The following TMEM39A variants were observed in gnomAD, a reference collection of about 807,000 sequenced individuals.
TMEM39A encodes transmembrane protein 39A.
A neutral mutation model predicts 51.9 loss-of-function variants in TMEM39A; 19 were observed. The observed-to-expected ratio is 0.37, with a 90% CI of 0.26 to 0.54. The LOEUF (loss-of-function observed/expected upper bound fraction) is 0.54. Ranked by LOEUF, TMEM39A falls within the 20% of genes least tolerant of loss-of-function variation. TMEM39A has a pLI of 0.88. For missense variants in TMEM39A, 433 were observed against 590.5 expected (o/e 0.73, Z 2.76); for synonymous variants, 197 against 220.2 (o/e 0.89, Z 0.93).
chr3:119,436,715 A>T, intron 7 of TMEM39A, 76 bp downstream of exon 7: 1 of 1,440,198 alleles, frequency 6.9e-7, no homozygotes, highest in Non-Finnish European at 9.5e-7. Flanking sequence ...AAGAACAAGA[A>T]TGACATACAA....
chr3:119,435,217 C>G, intron 7 of TMEM39A: 2 of 985,368 alleles, frequency 2.0e-6, no homozygotes, highest in Non-Finnish European at 2.4e-6. Context: ...CCCAAGTGAG[C>G]AGAGTCTACT....
chr3:119,460,728 A>G (rs6801426), intron 2 of TMEM39A, among the ~76,000 whole-genome samples: 6,222 of 152,302 alleles, frequency 0.041, 164 homozygotes, highest in Non-Finnish European at 0.061. Context: ...AAGAACTGCT[A>G]GAGTTAGGAG....
Position 119,463,413 on chromosome 3 carries a change from G to A in TMEM39A, c.-152C>T, listed in dbSNP as rs1250987994. The A allele has an allele frequency of 7.6e-6, 3 of 394,260 alleles. No individual in the cohort carries two copies. The East Asian group carries it at 1.1e-4, about 14-fold the overall frequency. The allele number at this position is 394,260 out of a possible 1,614,324, so 24.4% of individuals were successfully genotyped here. A position where few individuals can be genotyped will look rare whatever the true frequency, so the allele number is the denominator to read the frequency against. On this transcript the variant is annotated 5_prime_UTR_variant, in exon 1 of 9. Transcript: ENST00000319172. ...TTTACAGACTGGACCCCAGGTAAGG[G>A]AACTCCCTCCCAGCGTTGGAACGCT... is the stretch of plus-strand genomic sequence containing the variant.
At chr3:119,434,560 C>T (rs1006140027) in intron 8 of TMEM39A, among the ~76,000 whole-genome samples, 1 of 152,044 alleles carries the variant, frequency 6.6e-6, no homozygotes, top group Non-Finnish European at 1.5e-5. Flanking sequence ...GCTACTGAAA[C>T]TGGAATAACA....
intron 3 of TMEM39A, among the ~76,000 whole-genome samples, chr3:119,456,806 A>G (rs531106067): frequency 3.0e-4 from 46 of 152,240 alleles, no homozygotes; most frequent in Non-Finnish European, 5.9e-4. Context: ...AGGTCTCACT[A>G]TGTTGCCTAG....
chr3:119,437,523 T>TA (rs543556839), intron 6 of TMEM39A, among the ~76,000 whole-genome samples: 2,559 of 96,572 alleles, frequency 0.026, 46 homozygotes, highest in South Asian at 0.13. Context: ...TAAAAATACT[T>TA]AAAAAAAAAA....
intron 2 of TMEM39A, among the ~76,000 whole-genome samples, chr3:119,459,695 C>T (rs530382578): frequency 5.0e-4 from 76 of 152,290 alleles, no homozygotes; most frequent in African/African-American, 1.7e-3. Flanking sequence ...ACTGTGTTAC[C>T]AAACTAGCTC....
chr3:119,439,439 G>C (rs1187578356), intron 5 of TMEM39A, among the ~76,000 whole-genome samples: 1 of 151,944 alleles, frequency 6.6e-6, no homozygotes, highest in African/African-American at 2.4e-5. Flanking sequence ...AAATTAGCTG[G>C]GTGTGGTGGC....
chr3:119,461,555 C>G lies in TMEM39A; in HGVS notation c.113+407G>C, dbSNP rs200108470. On this transcript the variant is annotated intron_variant, in intron 2 of 8. Transcript: ENST00000319172. Reference sequence around the variant, plus strand: ...GCTAACCCAGCTAAAAAACAGCTAACATTTATTAAGACCAAACAATTTTTT... The same window carrying G: ...GCTAACCCAGCTAAAAAACAGCTAAGATTTATTAAGACCAAACAATTTTTT... Among the ~76,000 whole-genome samples the G allele has an allele frequency of 5.3e-5, 8 of 152,318 alleles. No homozygotes were observed. In the East Asian group the frequency reaches 1.3e-3, roughly 26 times the overall value.
At chr3:119,445,197 G>A (rs1350815883) in intron 5 of TMEM39A, among the ~76,000 whole-genome samples, 1 of 152,156 alleles carries the variant, frequency 6.6e-6, no homozygotes, top group Non-Finnish European at 1.5e-5. Flanking sequence ...AAGTCACACA[G>A]GTATGTCCAC....
At chr3:119,446,097 T>C (rs943880716) in intron 5 of TMEM39A, among the ~76,000 whole-genome samples, 8 of 152,174 alleles carry the variant, frequency 5.3e-5, no homozygotes, top group African/African-American at 1.9e-4. Flanking sequence ...AATAATAAAA[T>C]AGAACAATTA....
intron 5 of TMEM39A, among the ~76,000 whole-genome samples, chr3:119,444,935 C>T (rs1049279916): frequency 2.0e-5 from 3 of 152,050 alleles, no homozygotes; most frequent in African/African-American, 7.2e-5. Context: ...CAAAAATTAG[C>T]GGGGCATGGT....
chr3:119,461,854 T>C, intron 2 of TMEM39A, 108 bp downstream of exon 2: 1 of 887,094 alleles, frequency 1.1e-6, no homozygotes, highest in South Asian at 2.0e-5. Context: ...TACCACAGTG[T>C]CAAGAATAAA....
At chr3:119,441,169 T>G (rs1477508393) in intron 5 of TMEM39A, among the ~76,000 whole-genome samples, 10 of 152,184 alleles carry the variant, frequency 6.6e-5, no homozygotes, top group Non-Finnish European at 1.2e-4. Context: ...TAAGGCCAAC[T>G]AATAACCCTA....
In TMEM39A at chr3:119,462,002, C is replaced by T. The variant is rs755973204; in HGVS notation, c.73G>A (p.Val25Ile). 2 of 1,614,060 alleles carry T rather than the reference C, an allele frequency of 1.2e-6. No individual in the cohort carries two copies. The highest frequency in any genetic ancestry group is 1.3e-5 in the African/African-American group (1 of 74,918). Reference protein sequence around the residue: ...RSALPSLQTLVGGGCGNGTGL... With the variant: ...RSALPSLQTLIGGGCGNGTGL... ...GTTCCATTGCCACAGCCTCCACCAA[C>T]CAAAGTCTGCAAAGAAGGTAAAGCT... is the stretch of plus-strand genomic sequence containing the variant. Residue 25 changes from valine to isoleucine, a missense_variant, in exon 2 of 9, where the codon GTT becomes ATT. This residue lies in a region of TMEM39A where 170 missense variants were observed against 239.8 expected (regional missense o/e 0.71). Transcript: ENST00000319172.
chr3:119,445,067 A>C (rs1014542905), intron 5 of TMEM39A, among the ~76,000 whole-genome samples: 7 of 151,862 alleles, frequency 4.6e-5, no homozygotes, highest in South Asian at 2.1e-4. Flanking sequence ...ATGACAGAGC[A>C]AAACCCTGTC....
chr3:119,457,659 C>G (rs2081283328), intron 3 of TMEM39A, among the ~76,000 whole-genome samples: 1 of 152,174 alleles, frequency 6.6e-6, no homozygotes, highest in African/African-American at 2.4e-5. Context: ...GAAGCTACCA[C>G]TATCCTAATT....
intron 2 of TMEM39A, among the ~76,000 whole-genome samples, chr3:119,460,264 C>A (rs1372368382): frequency 6.6e-6 from 1 of 151,922 alleles, no homozygotes; most frequent in Non-Finnish European, 1.5e-5. Flanking sequence ...ATGGTTGGAA[C>A]CTTGAATACC....
At chr3:119,446,737 G>A (rs772292722) in intron 5 of TMEM39A, 2 of 298,586 alleles carry the variant, frequency 6.7e-6, no homozygotes, top group Admixed American at 4.8e-5. Flanking sequence ...ATAGCAAGAG[G>A]GGCCTTTACT....
Sources: allele counts gnomAD v4.1 joint callset (sites outside exome capture counted in the v4.1 genomes callset), GRCh38; gene constraint gnomAD v4.1.1; regional missense constraint gnomAD v4.1.1; transcripts MANE v1.5; gene names NCBI Gene and HGNC (gene_info 2026-07-23, HGNC 2026-07-21).